DAB1: variants seen among roughly 807,000 people sequenced by gnomAD.
DAB1 encodes DAB adaptor protein 1.
DAB1 carries 15 observed loss-of-function variants against 64.6 expected under a neutral mutation model. The observed-to-expected ratio is 0.23, with a 90% CI of 0.16 to 0.36. DAB1 has a LOEUF of 0.36. Ranked by LOEUF, DAB1 falls within the 10% of genes least tolerant of loss-of-function variation. The pLI is 1.00. For synonymous variants in DAB1, 235 were observed against 251.9 expected (o/e 0.93, Z 0.64); for missense variants, 596 against 706.7 (o/e 0.84, Z 1.78).
intron 3 of DAB1, among the ~76,000 whole-genome samples, chr1:57,144,221 AATAAT>A (rs933320522): frequency 3.9e-5 from 6 of 152,082 alleles, no homozygotes; most frequent in South Asian, 4.1e-4. Context: ...CAGAAAAATA[AATAAT>A]ATATGTTTGA....
chr1:57,001,699 C>G (rs1440452247), intron 14 of DAB1, among the ~76,000 whole-genome samples: 1 of 152,190 alleles, frequency 6.6e-6, no homozygotes, highest in Non-Finnish European at 1.5e-5. Flanking sequence ...ACCTTCCAAA[C>G]CCTACTTGGG....
intron 1 of DAB1, among the ~76,000 whole-genome samples, chr1:57,423,692 A>G (rs1685109202): frequency 6.6e-6 from 1 of 152,068 alleles, no homozygotes; most frequent in African/African-American, 2.4e-5. Context: ...GATGGGGGGC[A>G]GGACAGAGAA....
intron 7 of DAB1, among the ~76,000 whole-genome samples, chr1:57,590,777 CACACA>C (rs1645437236): frequency 2.7e-5 from 4 of 150,060 alleles, no homozygotes; most frequent in African/African-American, 7.4e-5. Context: ...CACACACACA[CACACA>C]CCCCACTCAC....
chr1:57,391,766 A>AAC (rs57332880), intron 1 of DAB1, among the ~76,000 whole-genome samples: 22,480 of 94,074 alleles, frequency 0.24, 1,934 homozygotes, highest in East Asian at 0.42. Flanking sequence ...CAGAGGAATA[A>AAC]ACACACACAC....
intron 7 of DAB1, among the ~76,000 whole-genome samples, chr1:57,527,702 A>G (rs1240751046): frequency 6.6e-6 from 1 of 152,214 alleles, no homozygotes; most frequent in Non-Finnish European, 1.5e-5. Flanking sequence ...AGGAAGGACT[A>G]TAAAGATTAA....
intron 7 of DAB1, among the ~76,000 whole-genome samples, chr1:57,600,451 TTAAAA>T (rs1645563825): frequency 6.6e-6 from 1 of 152,186 alleles, no homozygotes. Context: ...AAAGCAGGAC[TTAAAA>T]TAAAATCAAC....
At chr1:58,233,955 C>T (rs1235814592) in intron 4 of DAB1, among the ~76,000 whole-genome samples, 1 of 152,158 alleles carries the variant, frequency 6.6e-6, no homozygotes, top group Non-Finnish European at 1.5e-5. Flanking sequence ...CAACCAGTCT[C>T]GACTCTCACC....
At chr1:57,258,580 T>C (rs1669944480) in intron 2 of DAB1, among the ~76,000 whole-genome samples, 2 of 152,196 alleles carry the variant, frequency 1.3e-5, no homozygotes, top group Admixed American at 6.5e-5. Flanking sequence ...CAAATCGCTT[T>C]CCTCATCCAT....
chr1:57,721,849 AAGGCAGT>A, intron 6 of DAB1, among the ~76,000 whole-genome samples: 1 of 152,316 alleles, frequency 6.6e-6, no homozygotes, highest in South Asian at 2.1e-4. Context: ...CCAGTTGGTT[AAGGCAGT>A]AGACTGTTAA....
chr1:57,455,763 A>G (rs1686566544), intron 7 of DAB1, among the ~76,000 whole-genome samples: 1 of 152,096 alleles, frequency 6.6e-6, no homozygotes, highest in East Asian at 1.9e-4. Flanking sequence ...ATCCTGTTGA[A>G]CATGGAATAA....
intron 4 of DAB1, among the ~76,000 whole-genome samples, chr1:58,234,796 C>G (rs185550539): frequency 1.3e-5 from 2 of 152,292 alleles, no homozygotes; most frequent in East Asian, 3.9e-4. Context: ...AATGGAGAGC[C>G]ATTGAAGGCT....
intron 1 of DAB1, among the ~76,000 whole-genome samples, chr1:57,331,544 A>C (rs553193593): frequency 2.0e-5 from 3 of 152,092 alleles, no homozygotes; most frequent in Admixed American, 2.0e-4. Context: ...AGCTCACTCA[A>C]CATCTCTCCT....
chr1:57,561,399 A>T (rs549977428), intron 7 of DAB1, among the ~76,000 whole-genome samples: 6 of 152,210 alleles, frequency 3.9e-5, no homozygotes, highest in Non-Finnish European at 7.3e-5. Context: ...CAGATGTGCG[A>T]TTATATACTG....
intron 4 of DAB1, among the ~76,000 whole-genome samples, chr1:58,298,636 C>G (rs1662046456): frequency 6.6e-6 from 1 of 152,226 alleles, no homozygotes. Context: ...TGCACACATG[C>G]TGGAGATGAT....
intron 9 of DAB1, chr1:57,033,709 G>A: frequency 1.2e-6 from 1 of 817,778 alleles, no homozygotes; most frequent in Non-Finnish European, 2.0e-6. Flanking sequence ...TCCAATGTCT[G>A]TGAAAATCTT....
intron 3 of DAB1, among the ~76,000 whole-genome samples, chr1:58,348,220 C>T (rs1314137141): frequency 6.6e-6 from 1 of 152,112 alleles, no homozygotes; most frequent in Non-Finnish European, 1.5e-5. Flanking sequence ...TGTGATTTTT[C>T]CTTATTTACC....
At chr1:57,812,319 C>CAAAAAAAAAAAAAAAAAAAAAAAAA (rs67005172) in intron 6 of DAB1, among the ~76,000 whole-genome samples, 1 of 101,216 alleles carries the variant, frequency 9.9e-6, no homozygotes, top group Non-Finnish European at 2.0e-5. Flanking sequence ...GATTCATTGC[C>CAAAAAAAAAAAAAAAAAAAAAAAAA]AAAAAAAAAA....
chr1:57,541,992 G>T (rs541283560), intron 7 of DAB1, among the ~76,000 whole-genome samples: 4 of 152,142 alleles, frequency 2.6e-5, no homozygotes, highest in Admixed American at 2.6e-4. Context: ...GTGGGGGAGG[G>T]TGTGTGCAAG....
At chr1:58,162,508 GT>G (rs1655598384) in intron 4 of DAB1, among the ~76,000 whole-genome samples, 1 of 152,142 alleles carries the variant, frequency 6.6e-6, no homozygotes. Context: ...GAGACTAGAA[GT>G]TTCCTAAAAT....
Sources: allele counts gnomAD v4.1 joint callset (sites outside exome capture counted in the v4.1 genomes callset), GRCh38; gene constraint gnomAD v4.1.1; transcripts MANE v1.5; gene names NCBI Gene and HGNC (gene_info 2026-07-23, HGNC 2026-07-21).